LHFPL3: variants seen among roughly 807,000 people sequenced by gnomAD.
LHFPL3 encodes LHFPL tetraspan subfamily member 3, also known as LHFPL tetraspan subfamily member 3 protein.
LHFPL3 carries 5 observed loss-of-function variants against 19.3 expected under a neutral mutation model. That is an observed-to-expected ratio of 0.26 (90% CI 0.14 to 0.54). The LOEUF (loss-of-function observed/expected upper bound fraction) is 0.54, where lower values mean the gene tolerates loss of function less well. Ranked by LOEUF, LHFPL3 falls within the 20% of genes least tolerant of loss-of-function variation. The pLI is 0.94. For missense variants in LHFPL3, 249 were observed against 307.4 expected (o/e 0.81, Z 1.42); for synonymous variants, 133 against 126.2 (o/e 1.05, Z -0.36).
chr7:104,512,452 G>T (rs1322838308), intron 1 of LHFPL3, among the ~76,000 whole-genome samples: 1 of 151,536 alleles, frequency 6.6e-6, no homozygotes, highest in East Asian at 2.0e-4. Context: ...ATTAAAGTGG[G>T]ACACATGAGC....
chr7:104,702,582 G>T (rs536490890), intron 1 of LHFPL3, among the ~76,000 whole-genome samples: 1 of 152,342 alleles, frequency 6.6e-6, no homozygotes, highest in East Asian at 1.9e-4. Flanking sequence ...TTAAAGGCCA[G>T]TGCCTATACT....
chr7:104,352,704 G>A (rs776822032), intron 1 of LHFPL3, among the ~76,000 whole-genome samples: 3 of 152,222 alleles, frequency 2.0e-5, no homozygotes, highest in Non-Finnish European at 4.4e-5. Context: ...AGATCTCAAC[G>A]CAGAGAACAA....
At position 104,877,114 on chromosome 7, in the gene LHFPL3, C is replaced by T. The variant is rs1022658833; in HGVS notation, c.683-29073C>T. 5.3e-5 allele frequency among the ~76,000 whole-genome samples: 8 copies of T among 152,094 alleles called. No individual in the cohort carries two copies. The East Asian group carries it at 7.7e-4, about 15-fold the overall frequency. ...ACACAGGAAGGGGAACATCACACAC[C>T]GGGGCCTGTTGTGGGGTCAGGGGAG... is the stretch of plus-strand genomic sequence containing the variant. On this transcript the variant is annotated intron_variant, in intron 2 of 2. Transcript: ENST00000424859.
intron 2 of LHFPL3, among the ~76,000 whole-genome samples, chr7:104,752,038 C>A (rs923514429): frequency 1.3e-5 from 2 of 152,248 alleles, no homozygotes; most frequent in African/African-American, 4.8e-5. Context: ...GTTCAGCCGG[C>A]GGCCAGTATT....
intron 1 of LHFPL3, among the ~76,000 whole-genome samples, chr7:104,418,488 C>T (rs1791667832): frequency 2.6e-5 from 4 of 152,122 alleles, no homozygotes; most frequent in Admixed American, 2.6e-4. Context: ...GCTATGATTG[C>T]ACCACTGCAC....
At position 104,597,516 on chromosome 7, in the gene LHFPL3, A is replaced by C. The variant is rs117070693; in HGVS notation, c.446-139159A>C. ...TGTTCTTACTATATTATACATCTCT[A>C]CTTTATTCCATTATACAAATAGATA... On this transcript the variant is annotated intron_variant, in intron 1 of 2. Coordinates refer to ENST00000424859, the MANE Select transcript of LHFPL3 (RefSeq NM_199000.3). 5.2e-3 allele frequency among the ~76,000 whole-genome samples: 787 copies of C among 152,234 alleles called. 4 individuals carry two copies. The highest frequency in any genetic ancestry group is 0.027 in the Middle Eastern group (8 of 294).
intron 2 of LHFPL3, among the ~76,000 whole-genome samples, chr7:104,836,789 T>C (rs933514750): frequency 1.3e-5 from 2 of 152,170 alleles, no homozygotes; most frequent in African/African-American, 4.8e-5. Context: ...ACAAACTGGA[T>C]CTCAAGAATA....
chr7:104,754,982 G>A (rs562651971), intron 2 of LHFPL3, among the ~76,000 whole-genome samples: 14 of 152,292 alleles, frequency 9.2e-5, no homozygotes, highest in South Asian at 4.1e-4. Flanking sequence ...GGGAGGATCC[G>A]GGGTCTGCAT....
At chr7:104,614,680 C>CTTCCTTCT (rs767634683) in intron 1 of LHFPL3, among the ~76,000 whole-genome samples, 21 of 94,480 alleles carry the variant, frequency 2.2e-4, no homozygotes, top group East Asian at 9.0e-4. Flanking sequence ...TCCTTCCTTC[C>CTTCCTTCT]TTCTTTCTTT....
rs568348346 is a variant in LHFPL3 at position 104,512,186 on chromosome 7, C to A, written c.445+182962C>A. ...GCCAGACTGGTCTCAAAGTCCCAGC[C>A]TCAAGTGATCCACCCGCCTCAGCCT... On this transcript the variant is annotated intron_variant, in intron 1 of 2. Coordinates refer to ENST00000424859, the MANE Select transcript of LHFPL3 (RefSeq NM_199000.3). 6.9e-4 allele frequency among the ~76,000 whole-genome samples: 105 copies of A among 152,024 alleles called. 2 individuals carry two copies. The highest frequency in any genetic ancestry group is 2.4e-3 in the African/African-American group (98 of 41,516).
intron 1 of LHFPL3, among the ~76,000 whole-genome samples, chr7:104,619,875 C>A: frequency 6.6e-6 from 1 of 151,812 alleles, no homozygotes; most frequent in South Asian, 2.1e-4. Flanking sequence ...CAGCAGGGGG[C>A]GGGAATGGTT....
intron 2 of LHFPL3, among the ~76,000 whole-genome samples, chr7:104,850,993 C>G (rs1435909390): frequency 6.6e-6 from 1 of 152,224 alleles, no homozygotes; most frequent in East Asian, 1.9e-4. Context: ...CAGGCCACCA[C>G]TTTGACAGAT....
chr7:104,819,801 G>A (rs1195050113), intron 2 of LHFPL3, among the ~76,000 whole-genome samples: 1 of 152,148 alleles, frequency 6.6e-6, no homozygotes, highest in East Asian at 1.9e-4. Context: ...CACCACCACA[G>A]CTTGCATTTT....
chr7:104,685,759 T>C (rs1792792884), intron 1 of LHFPL3, among the ~76,000 whole-genome samples: 1 of 152,212 alleles, frequency 6.6e-6, no homozygotes, highest in Non-Finnish European at 1.5e-5. Context: ...AGACCACAGA[T>C]ACCATGGTAC....
intron 1 of LHFPL3, among the ~76,000 whole-genome samples, chr7:104,575,139 G>C (rs146621528): frequency 7.9e-5 from 12 of 152,280 alleles, no homozygotes; most frequent in African/African-American, 2.9e-4. Flanking sequence ...TTTTGCAAAT[G>C]ACCGATTATT....
chr7:104,535,213 A>G (rs141066989), intron 1 of LHFPL3, among the ~76,000 whole-genome samples: 34 of 152,332 alleles, frequency 2.2e-4, no homozygotes, highest in Non-Finnish European at 1.0e-4. Context: ...AAAATGGAAC[A>G]CTTGGTATTA....
intron 1 of LHFPL3, among the ~76,000 whole-genome samples, chr7:104,484,425 T>G (rs529214329): frequency 6.6e-6 from 1 of 152,296 alleles, no homozygotes; most frequent in East Asian, 1.9e-4. Flanking sequence ...GGATGGAGCA[T>G]GTTAGTGAGG....
chr7:104,829,944 C>G (rs1289262029), intron 2 of LHFPL3, among the ~76,000 whole-genome samples: 2 of 151,980 alleles, frequency 1.3e-5, no homozygotes, highest in Admixed American at 6.5e-5. Context: ...TACAGTCCCA[C>G]CAACAGTGTA....
At position 104,440,038 on chromosome 7, in the gene LHFPL3, G is replaced by T. The variant is rs184913444; in HGVS notation, c.445+110814G>T. Among the ~76,000 whole-genome samples the T allele has an allele frequency of 4.9e-3, 692 of 140,402 alleles. 20 individuals carry two copies. Among genetic ancestry groups the T allele is most frequent in the African/African-American group, 0.017 (612 of 35,974 alleles). 92.1% of individuals were successfully genotyped at this position (140,402 alleles called of 152,430 possible). A position where few individuals can be genotyped will look rare whatever the true frequency, so the allele number is the denominator to read the frequency against. On this transcript the variant is annotated intron_variant, in intron 1 of 2. Transcript: ENST00000424859. Reference sequence around the variant, plus strand: ...GATTACTATATAATACAAAGCCTGGGGGGGGGGAGGGATAGCATTAGGAGA... The same window carrying T: ...GATTACTATATAATACAAAGCCTGGTGGGGGGGAGGGATAGCATTAGGAGA...
Sources: allele counts gnomAD v4.1 joint callset (sites outside exome capture counted in the v4.1 genomes callset), GRCh38; gene constraint gnomAD v4.1.1; transcripts MANE v1.5; gene names NCBI Gene and HGNC (gene_info 2026-07-23, HGNC 2026-07-21).